ZBTB49: variants seen among roughly 807,000 people sequenced by gnomAD.
The protein encoded by ZBTB49 is zinc finger and BTB domain-containing protein 49.
A neutral mutation model predicts 57.5 loss-of-function variants in ZBTB49; 43 were observed. The observed-to-expected ratio is 0.75, with a 90% CI of 0.59 to 0.97. ZBTB49 has a LOEUF of 0.97. Ranked by LOEUF, ZBTB49 falls within the 50% of genes least tolerant of loss-of-function variation. The pLI, the probability that ZBTB49 is intolerant of heterozygous loss-of-function variation, is 0.00. For missense variants in ZBTB49, 938 were observed against 947.7 expected, an observed-to-expected ratio of 0.99 and a Z score of 0.13; for synonymous variants, 369 against 362.1, an observed-to-expected ratio of 1.02 and a Z score of -0.22.
intron 4 of ZBTB49, among the ~76,000 whole-genome samples, chr4:4,309,693 A>G (rs1560112603): frequency 6.6e-6 from 1 of 152,178 alleles, no homozygotes; most frequent in East Asian, 1.9e-4. Context: ...TATAGGAGGC[A>G]TTTCCAGGGT....
intron 4 of ZBTB49, among the ~76,000 whole-genome samples, chr4:4,307,650 A>AC (rs1292046552): frequency 6.6e-6 from 1 of 151,446 alleles, no homozygotes; most frequent in Non-Finnish European, 1.5e-5. Flanking sequence ...CATCCTCATG[A>AC]CCCCCAGATG....
chr4:4,298,722 G>A (rs557832294), intron 1 of ZBTB49, among the ~76,000 whole-genome samples: 10 of 152,224 alleles, frequency 6.6e-5, no homozygotes, highest in East Asian at 5.8e-4. Context: ...GAACCACCAC[G>A]CCTAGTGCAG....
At position 4,321,113 on chromosome 4, in the gene ZBTB49, G is replaced by T. The variant is rs1721396907; in HGVS notation, c.2095G>T (p.Ala699Ser). 2 of 1,614,044 alleles carry T rather than the reference G, an allele frequency of 1.2e-6. No individual in the cohort carries two copies. The highest frequency in any genetic ancestry group is 2.2e-5 in the East Asian group (1 of 44,892). ...AYAYSDVDTPAGGEPLQADGM... is the reference protein window; with the variant it reads ...AYAYSDVDTPSGGEPLQADGM... ...TGCTTACTCGGATGTGGACACCCCA[G>T]CCGGTGGCGAACCACTGCAGGCCGA... is the stretch of plus-strand genomic sequence containing the variant. The change falls in exon 8 of 8, where the codon GCC becomes TCC. Residue 699 changes from alanine (A) to serine (S), a missense_variant. Physicochemically the swap from Ala to Ser is moderately conservative, Grantham distance 99. Coordinates refer to ENST00000337872, the MANE Select transcript of ZBTB49 (RefSeq NM_145291.4).
chr4:4,316,450 C>T (rs1721200313), intron 7 of ZBTB49, among the ~76,000 whole-genome samples: 2 of 152,200 alleles, frequency 1.3e-5, no homozygotes, highest in African/African-American at 4.8e-5. Context: ...TTCAGGGCAC[C>T]TGACTGCTCC....
chr4:4,318,569 C>T (rs1721279949), intron 7 of ZBTB49, among the ~76,000 whole-genome samples: 1 of 152,184 alleles, frequency 6.6e-6, no homozygotes, highest in Admixed American at 6.5e-5. Flanking sequence ...GATCGTGCCA[C>T]TGCATTCCAG....
At chr4:4,303,770 G>GTGTGTGTCTC (rs377326067) in intron 3 of ZBTB49, among the ~76,000 whole-genome samples, 3 of 25,264 alleles carry the variant, frequency 1.2e-4, no homozygotes, top group Admixed American at 5.4e-4. Flanking sequence ...CTGTGTGTGT[G>GTGTGTGTCTC]TCTCTCTCTC....
At chr4:4,301,935 A>T (rs560452752) in intron 2 of ZBTB49, 54 bp from the exon 3 acceptor site, 1 of 1,412,014 alleles carries the variant, frequency 7.1e-7, no homozygotes, top group Non-Finnish European at 9.3e-7. Context: ...TATTTATAAG[A>T]AAAAGATGGT....
intron 1 of ZBTB49, among the ~76,000 whole-genome samples, chr4:4,291,502 T>G (rs550072476): frequency 6.6e-6 from 1 of 152,324 alleles, no homozygotes; most frequent in South Asian, 2.1e-4. Flanking sequence ...GGGAACAGTT[T>G]AACCATAACA....
chr4:4,302,292 C>A lies in ZBTB49; in HGVS notation c.456C>A (p.Tyr152Ter), dbSNP rs767341177. 5.6e-6 allele frequency: 9 copies of A among 1,613,878 alleles called. No homozygotes were observed. The highest frequency in any genetic ancestry group is 1.1e-5 in the South Asian group (1 of 91,080). ...PDATCVISENYPPHLLQECSA... is the reference protein window; with the variant it reads ...PDATCVISEN The stretch of plus-strand genomic sequence containing the variant: ...CCACTTGTGTTATCAGTGAAAACTA[C>A]CCCCCTCATTTACTGCAGGAATGTT... The change falls in exon 3 of 8, where the codon TAC becomes TAA. Residue 152 changes from tyrosine to a stop codon, truncating the protein, a stop_gained. Transcript: ENST00000337872. LOFTEE classifies it high-confidence loss of function.
intron 7 of ZBTB49, among the ~76,000 whole-genome samples, chr4:4,316,211 A>G (rs376431713): frequency 2.6e-5 from 4 of 152,192 alleles, no homozygotes; most frequent in Non-Finnish European, 5.9e-5. Context: ...ACAGAGTCCC[A>G]GGTGCTGAGG....
At chr4:4,318,532 C>T (rs1489267550) in intron 7 of ZBTB49, among the ~76,000 whole-genome samples, 1 of 152,038 alleles carries the variant, frequency 6.6e-6, no homozygotes, top group African/African-American at 2.4e-5. Flanking sequence ...AACTTGAACC[C>T]GGGAGACGGA....
At chr4:4,296,953 T>C (rs1720231648) in intron 1 of ZBTB49, among the ~76,000 whole-genome samples, 3 of 152,330 alleles carry the variant, frequency 2.0e-5, no homozygotes, top group South Asian at 4.1e-4. Flanking sequence ...GAGGCATGTT[T>C]CATCCCATGA....
At position 4,315,539 on chromosome 4, in the gene ZBTB49, G is replaced by A. The variant is rs1721153677; in HGVS notation, c.1377-97G>A. On this transcript the variant is annotated intron_variant, in intron 5 of 7. Coordinates refer to ENST00000337872, the MANE Select transcript of ZBTB49 (RefSeq NM_145291.4). ...AGTTCACGTTCCTTTCTGCAGCAGT[G>A]TCAGGAGCAGGTATCTCCTCCCTCA... 4.2e-6 allele frequency: 5 copies of A among 1,188,042 alleles called. No homozygotes were observed. In the Admixed American group the frequency reaches 1.1e-4, roughly 26 times the overall value. 73.6% of individuals were successfully genotyped at this position (1,188,042 alleles called of 1,614,324 possible).
At chr4:4,319,331 A>C (rs935694780) in intron 7 of ZBTB49, among the ~76,000 whole-genome samples, 4 of 151,938 alleles carry the variant, frequency 2.6e-5, no homozygotes, top group African/African-American at 9.7e-5. Context: ...ATTCAGATGT[A>C]AAGTGAAAAG....
intron 4 of ZBTB49, among the ~76,000 whole-genome samples, chr4:4,312,408 A>C (rs900754955): frequency 2.0e-5 from 3 of 152,204 alleles, no homozygotes; most frequent in African/African-American, 7.2e-5. Context: ...TCTCCGTTTC[A>C]GTGTTATTCT....
At chr4:4,316,219 AG>A (rs1331485721) in intron 7 of ZBTB49, among the ~76,000 whole-genome samples, 2 of 152,298 alleles carry the variant, frequency 1.3e-5, no homozygotes, top group East Asian at 3.9e-4. Context: ...CCAGGTGCTG[AG>A]GGCTCTTGGT....
chr4:4,306,212 A>G (rs767379526), intron 4 of ZBTB49, 28 bp downstream of exon 4: 24 of 1,592,654 alleles, frequency 1.5e-5, no homozygotes, highest in East Asian at 6.7e-5. Context: ...TATTGTTAAT[A>G]ATTGGAAACC....
In ZBTB49 at chr4:4,315,727, G is replaced by A; in HGVS notation, c.1459+9G>A. The A allele has an allele frequency of 6.2e-7, 1 of 1,612,756 alleles. No individual in the cohort carries two copies. Among genetic ancestry groups the A allele is most frequent in the Middle Eastern group, 1.7e-4 (1 of 6,060 alleles). ...TGACATCTGTGGTCGAGGTACAGCT[G>A]AGTGTTTTCCTATTCTTCTTGAAGA... On this transcript the variant is annotated intron_variant, in intron 6 of 7. Transcript: ENST00000337872.
intron 4 of ZBTB49, among the ~76,000 whole-genome samples, chr4:4,308,317 T>G (rs1304008739): frequency 6.6e-6 from 1 of 152,154 alleles, no homozygotes; most frequent in Non-Finnish European, 1.5e-5. Context: ...GACCTCATGA[T>G]CCACCAGGCT....
Sources: gnomAD v4.1 joint callset for allele counts (sites outside exome capture counted in the v4.1 genomes callset) on GRCh38, gnomAD v4.1.1 for gene constraint, MANE v1.5 for transcripts, NCBI Gene and HGNC (gene_info 2026-07-23, HGNC 2026-07-21) for gene names.